Variants in RALGPS1 observed in about 807,000 individuals in gnomAD.
RALGPS1 encodes ras-specific guanine nucleotide-releasing factor RalGPS1.
A neutral mutation model predicts 78.8 loss-of-function variants in RALGPS1; 19 were observed. That is an observed-to-expected ratio of 0.24 (90% CI 0.17 to 0.35). RALGPS1 has a LOEUF of 0.35. Ranked by LOEUF, RALGPS1 falls within the 10% of genes least tolerant of loss-of-function variation. RALGPS1 has a pLI of 1.00. For missense variants in RALGPS1, 454 were observed against 688.3 expected, an observed-to-expected ratio of 0.66 and a Z score of 3.81; for synonymous variants, 228 against 256.3, an observed-to-expected ratio of 0.89 and a Z score of 1.06.
At chr9:127,055,494 A>C (rs1343297351) in intron 7 of RALGPS1, among the ~76,000 whole-genome samples, 1 of 152,256 alleles carries the variant, frequency 6.6e-6, no homozygotes, top group African/African-American at 2.4e-5. Flanking sequence ...TTAGGATTAC[A>C]GGTGTCAGCT....
rs754467577 is a variant in RALGPS1, at chr9:127,199,050, T to C, written c.1231T>C (p.Ser411Pro). ...SESSEFSEEM[S>P]SGLESPTGPC... is the part of the protein sequence containing the mutation. ...GAGCTCAGAGTTTAGTGAAGAGATG[T>C]CTTCAGGGCTGGAAAGGTGAGTGTG... is the stretch of plus-strand genomic sequence containing the variant. Residue 411 changes from serine to proline, a missense_variant, in exon 14 of 19, where the codon TCT becomes CCT. By Grantham distance (74) the Ser-to-Pro change is moderately conservative (BLOSUM62 -1). Transcript: ENST00000259351. The C allele has an allele frequency of 6.2e-7, 1 of 1,613,954 alleles. No individual in the cohort carries two copies. Among genetic ancestry groups the C allele is most frequent in the Non-Finnish European group, 8.5e-7 (1 of 1,179,952 alleles).
chr9:126,939,001 C>T (rs2036518366), intron 1 of RALGPS1, among the ~76,000 whole-genome samples: 1 of 152,188 alleles, frequency 6.6e-6, no homozygotes, highest in Non-Finnish European at 1.5e-5. Flanking sequence ...CTTCTGGGAC[C>T]TGATGTGGTA....
At chr9:127,193,668 G>A (rs538814595) in intron 11 of RALGPS1, among the ~76,000 whole-genome samples, 4 of 152,186 alleles carry the variant, frequency 2.6e-5, no homozygotes, top group Admixed American at 6.5e-5. Context: ...ATGGGAACCT[G>A]TAGGCCACTG....
chr9:126,948,137 T>C (rs541480532), intron 1 of RALGPS1, among the ~76,000 whole-genome samples: 29 of 152,176 alleles, frequency 1.9e-4, no homozygotes, highest in Non-Finnish European at 3.4e-4. Context: ...AGGTAGGGGC[T>C]TTGGGGAGAG....
At chr9:127,056,991 C>G (rs1371580444) in intron 7 of RALGPS1, among the ~76,000 whole-genome samples, 1 of 152,134 alleles carries the variant, frequency 6.6e-6, no homozygotes, top group East Asian at 1.9e-4. Context: ...CATAACATCC[C>G]CAAAGGTCAG....
chr9:127,187,879 AG>A (rs1158610367), intron 11 of RALGPS1, among the ~76,000 whole-genome samples: 1 of 152,126 alleles, frequency 6.6e-6, no homozygotes, highest in East Asian at 1.9e-4. Flanking sequence ...CGCTTTGAGC[AG>A]AGTTTCTTCC....
intron 1 of RALGPS1, among the ~76,000 whole-genome samples, chr9:126,947,010 T>C (rs146269489): frequency 6.6e-6 from 1 of 152,242 alleles, no homozygotes; most frequent in East Asian, 1.9e-4. Context: ...TAGCCAGCCT[T>C]TCATAGAGGG....
intron 4 of RALGPS1, among the ~76,000 whole-genome samples, chr9:126,989,554 C>T (rs546104372): frequency 3.6e-4 from 55 of 152,178 alleles, no homozygotes; most frequent in African/African-American, 1.3e-3. Flanking sequence ...GAGGCACGGA[C>T]CAGGTGCTCA....
At chr9:126,952,875 C>T (rs1229881511) in intron 1 of RALGPS1, among the ~76,000 whole-genome samples, 5 of 152,038 alleles carry the variant, frequency 3.3e-5, no homozygotes, top group African/African-American at 9.7e-5. Context: ...GCTGCGGAGT[C>T]GTGGGAGAGC....
At chr9:127,116,521 G>T (rs1438921663) in intron 8 of RALGPS1, among the ~76,000 whole-genome samples, 1 of 152,208 alleles carries the variant, frequency 6.6e-6, no homozygotes, top group Non-Finnish European at 1.5e-5. Context: ...TCAGAGTCCA[G>T]CTTCTGAGTT....
At chr9:127,199,950 C>T (rs896752423) in intron 14 of RALGPS1, among the ~76,000 whole-genome samples, 14 of 143,082 alleles carry the variant, frequency 9.8e-5, no homozygotes, top group Non-Finnish European at 1.9e-4. Flanking sequence ...ATGCCCTACA[C>T]ACACATATAC....
intron 8 of RALGPS1, among the ~76,000 whole-genome samples, chr9:127,144,331 A>G (rs2057971606): frequency 6.6e-6 from 1 of 152,232 alleles, no homozygotes; most frequent in African/African-American, 2.4e-5. Context: ...TGAGTTTCCC[A>G]GAGTGTGGGC....
chr9:127,016,744 T>G (rs2044867837), intron 4 of RALGPS1: 1 of 152,216 alleles, frequency 6.6e-6, no homozygotes, highest in African/African-American at 2.4e-5. Context: ...CATCATCTGT[T>G]CAGTCTTCCT....
chr9:127,191,232 A>G (rs1335751251), intron 11 of RALGPS1, among the ~76,000 whole-genome samples: 2 of 152,058 alleles, frequency 1.3e-5, no homozygotes, highest in African/African-American at 4.8e-5. Flanking sequence ...TTTGGTACAG[A>G]CATTTAAATG....
Position 127,079,454 on chromosome 9 carries a change from T to G in RALGPS1, c.610+10098T>G, listed in dbSNP as rs1217171976. On this transcript the variant is annotated intron_variant, in intron 8 of 18. Coordinates refer to ENST00000259351, the MANE Select transcript of RALGPS1 (RefSeq NM_014636.3). Reference sequence around the variant, plus strand: ...TGTATCCTTGTATAATCTCTTCCCCTTGAGTGTAGGCAGAACATAGTGATT... The same window carrying G: ...TGTATCCTTGTATAATCTCTTCCCCGTGAGTGTAGGCAGAACATAGTGATT... 4 of 152,222 alleles carry G rather than the reference T, an allele frequency of 2.6e-5. No individual in the cohort carries two copies. In the South Asian group the frequency reaches 8.3e-4, roughly 32 times the overall value. The allele number at this position is 152,222 out of a possible 1,614,324, so 9.4% of individuals were successfully genotyped here.
intron 11 of RALGPS1, among the ~76,000 whole-genome samples, chr9:127,180,116 T>C (rs561598926): frequency 2.7e-4 from 41 of 152,368 alleles, no homozygotes; most frequent in African/African-American, 9.9e-4. Context: ...ATGTAATGTT[T>C]AGTTTCTATA....
rs1589225796 is a variant in RALGPS1, at chr9:127,052,839, T to C, written c.391-8T>C. 5 of 1,573,356 alleles carry C rather than the reference T, an allele frequency of 3.2e-6. No homozygotes were observed. Among genetic ancestry groups the C allele is most frequent in the Non-Finnish European group, 4.4e-6 (5 of 1,143,368 alleles). On this transcript the variant is annotated splice_polypyrimidine_tract_variant and splice_region_variant and intron_variant, in intron 6 of 18. Coordinates refer to ENST00000259351, the MANE Select transcript of RALGPS1 (RefSeq NM_014636.3). ...AGCAAAATAATCTATTCCATATCTTTTTTTCAGAAACTTCTAGAACTCAAC... is the reference window on the plus strand; with the variant it reads ...AGCAAAATAATCTATTCCATATCTTCTTTTCAGAAACTTCTAGAACTCAAC...
intron 11 of RALGPS1, among the ~76,000 whole-genome samples, chr9:127,176,965 C>G (rs1018635602): frequency 6.6e-6 from 1 of 152,224 alleles, no homozygotes; most frequent in Non-Finnish European, 1.5e-5. Flanking sequence ...ACATTCTCCC[C>G]CTTGTTTTTG....
intron 8 of RALGPS1, among the ~76,000 whole-genome samples, chr9:127,144,259 C>T (rs2057965557): frequency 2.6e-5 from 4 of 152,214 alleles, no homozygotes; most frequent in Non-Finnish European, 4.4e-5. Context: ...GCATTAGCTC[C>T]TGGACCCGTA....
Sources: allele counts gnomAD v4.1 joint callset (sites outside exome capture counted in the v4.1 genomes callset), GRCh38; gene constraint gnomAD v4.1.1; transcripts MANE v1.5; gene names NCBI Gene and HGNC (gene_info 2026-07-23, HGNC 2026-07-21).